The following SLC22A3 variants were observed in gnomAD, a reference collection of about 807,000 sequenced individuals.
The protein encoded by SLC22A3 is EMT organic cation transporter 3.
Under a neutral mutation model 59.1 loss-of-function variants are expected in SLC22A3, and 51 were observed. The ratio of observed to expected loss-of-function variants is 0.86; its 90% CI spans 0.69 to 1.09. The LOEUF (loss-of-function observed/expected upper bound fraction) is 1.09. Among genes scored for constraint, SLC22A3 ranks in the 50% least tolerant of loss-of-function variants. The pLI is 0.00. For missense variants in SLC22A3, 711 were observed against 726.3 expected (o/e 0.98, Z 0.24); for synonymous variants, 325 against 292.0 (o/e 1.11, Z -1.15).
chr6:160,387,970 C>T (rs983240358), intron 1 of SLC22A3, among the ~76,000 whole-genome samples: 1 of 152,154 alleles, frequency 6.6e-6, no homozygotes, highest in African/African-American at 2.4e-5. Flanking sequence ...GTCTCAGTCC[C>T]ACAGCCACAA....
intron 2 of SLC22A3, among the ~76,000 whole-genome samples, chr6:160,399,069 A>T (rs1359210558): frequency 6.6e-6 from 1 of 152,170 alleles, no homozygotes; most frequent in Admixed American, 6.5e-5. Flanking sequence ...GTTTAATCAG[A>T]CCAGTGCTTC....
At chr6:160,430,372 C>A (rs1788107202) in intron 5 of SLC22A3, among the ~76,000 whole-genome samples, 1 of 152,062 alleles carries the variant, frequency 6.6e-6, no homozygotes, top group African/African-American at 2.4e-5. Flanking sequence ...TGACCCGAGA[C>A]CAGTCCTCCA....
At position 160,385,394 on chromosome 6, in the gene SLC22A3, G is replaced by A. The variant is rs190397222; in HGVS notation, c.430-12585G>A. ...ACTTCCCAGTTACTGTATTTTTTCT[G>A]GTTGGTGGGGCTCAGGGGGAGATAT... is the stretch of plus-strand genomic sequence containing the variant. On this transcript the variant is annotated intron_variant, in intron 1 of 10. Transcript: ENST00000275300. Among the ~76,000 whole-genome samples the A allele has an allele frequency of 5.9e-5, 9 of 152,276 alleles. No homozygotes were observed. The East Asian group carries it at 1.7e-3, about 29-fold the overall frequency.
chr6:160,383,962 C>T (rs1263013145), intron 1 of SLC22A3, among the ~76,000 whole-genome samples: 3 of 152,152 alleles, frequency 2.0e-5, no homozygotes, highest in Non-Finnish European at 4.4e-5. Context: ...TGGAGTCTCA[C>T]TCTGTCACCC....
intron 1 of SLC22A3, among the ~76,000 whole-genome samples, chr6:160,361,305 T>C (rs926870102): frequency 6.6e-6 from 1 of 152,082 alleles, no homozygotes; most frequent in Non-Finnish European, 1.5e-5. Context: ...CAAAGGAACA[T>C]ACAGAGAAAC....
At chr6:160,382,639 G>C (rs1785840485) in intron 1 of SLC22A3, among the ~76,000 whole-genome samples, 2 of 152,232 alleles carry the variant, frequency 1.3e-5, no homozygotes, top group Middle Eastern at 3.4e-3. Context: ...AGACATGCAA[G>C]GAAACCAGGA....
At chr6:160,385,535 T>C (rs548389919) in intron 1 of SLC22A3, among the ~76,000 whole-genome samples, 2 of 152,308 alleles carry the variant, frequency 1.3e-5, no homozygotes, top group East Asian at 3.9e-4. Context: ...CTGACCTCTG[T>C]ACTGTCTGCC....
chr6:160,370,143 G>A (rs1004494863), intron 1 of SLC22A3, among the ~76,000 whole-genome samples: 14 of 152,240 alleles, frequency 9.2e-5, no homozygotes, highest in African/African-American at 3.4e-4. Context: ...AAGCTGCATT[G>A]CCTTTCAGGA....
chr6:160,427,961 C>T (rs936079475), intron 5 of SLC22A3, among the ~76,000 whole-genome samples: 23 of 152,174 alleles, frequency 1.5e-4, no homozygotes, highest in Admixed American at 7.2e-4. Context: ...ATTCAGTCCA[C>T]GCAAGTTTTG....
intron 5 of SLC22A3, among the ~76,000 whole-genome samples, chr6:160,431,272 A>G (rs1788141115): frequency 6.6e-6 from 1 of 152,166 alleles, no homozygotes; most frequent in Non-Finnish European, 1.5e-5. Context: ...AGTTATTGTA[A>G]AAGAATAATA....
At chr6:160,367,818 G>A (rs1785259353) in intron 1 of SLC22A3, among the ~76,000 whole-genome samples, 1 of 152,160 alleles carries the variant, frequency 6.6e-6, no homozygotes, top group Admixed American at 6.5e-5. Flanking sequence ...CTGTACCTCT[G>A]TAGTCGGTGC....
intron 2 of SLC22A3, among the ~76,000 whole-genome samples, chr6:160,405,231 A>G (rs1272196684): frequency 6.6e-6 from 1 of 152,170 alleles, no homozygotes. Context: ...CAACCCAACT[A>G]AAAAGCGGGC....
chr6:160,368,850 A>G (rs1785298365), intron 1 of SLC22A3, among the ~76,000 whole-genome samples: 1 of 152,106 alleles, frequency 6.6e-6, no homozygotes, highest in Non-Finnish European at 1.5e-5. Context: ...CGTTCTGCTC[A>G]TTTCGTGCTC....
intron 4 of SLC22A3, 94 bp downstream of exon 4, chr6:160,409,015 CTTTT>C (rs201294592): frequency 2.7e-4 from 163 of 603,804 alleles, no homozygotes; most frequent in East Asian, 5.5e-4. Context: ...AGAAAATTTT[CTTTT>C]TTTTTTTTTT....
intron 1 of SLC22A3, among the ~76,000 whole-genome samples, chr6:160,378,354 T>C (rs1785671857): frequency 6.6e-6 from 1 of 152,196 alleles, no homozygotes; most frequent in East Asian, 1.9e-4. Context: ...TTTCATCAGG[T>C]CAGCTGTCTA....
At chr6:160,360,061 GA>G (rs1366000833) in intron 1 of SLC22A3, among the ~76,000 whole-genome samples, 2 of 152,052 alleles carry the variant, frequency 1.3e-5, no homozygotes, top group Admixed American at 1.3e-4. Context: ...ATTCTTATTT[GA>G]TAGCATGCTA....
intron 1 of SLC22A3, among the ~76,000 whole-genome samples, chr6:160,356,483 C>A (rs1332557845): frequency 6.6e-6 from 1 of 152,184 alleles, no homozygotes; most frequent in Non-Finnish European, 1.5e-5. Flanking sequence ...GCTGTCCTGG[C>A]ACCACACAGT....
At chr6:160,435,509 G>A (rs1788305222) in intron 5 of SLC22A3, among the ~76,000 whole-genome samples, 1 of 152,214 alleles carries the variant, frequency 6.6e-6, no homozygotes, top group Non-Finnish European at 1.5e-5. Flanking sequence ...CTACTTTTGT[G>A]TGTGTGTGAC....
intron 1 of SLC22A3, among the ~76,000 whole-genome samples, chr6:160,364,937 A>G (rs1252324395): frequency 1.3e-5 from 2 of 152,118 alleles, no homozygotes; most frequent in African/African-American, 4.8e-5. Flanking sequence ...ATTATCTTTT[A>G]CCTTATTGAG....
Sources: gnomAD v4.1 joint callset for allele counts (sites outside exome capture counted in the v4.1 genomes callset) on GRCh38, gnomAD v4.1.1 for gene constraint, MANE v1.5 for transcripts, NCBI Gene and HGNC (gene_info 2026-07-23, HGNC 2026-07-21) for gene names.